MTPAP: variants seen among roughly 807,000 people sequenced by gnomAD.
MTPAP encodes the protein poly(A) RNA polymerase, mitochondrial.
MTPAP carries 23 observed loss-of-function variants against 48.7 expected under a neutral mutation model. The ratio of observed to expected loss-of-function variants is 0.47; its 90% confidence interval spans 0.34 to 0.67. MTPAP has a LOEUF of 0.67. Among genes scored for constraint, MTPAP ranks in the 30% least tolerant of loss-of-function variants. MTPAP has a pLI of 0.01. For missense variants in MTPAP, 614 were observed against 694.3 expected (o/e 0.88, Z 1.30); for synonymous variants, 257 against 254.1 (o/e 1.01, Z -0.11).
intron 6 of MTPAP, among the ~76,000 whole-genome samples, chr10:30,320,743 G>A (rs1301718419): frequency 2.0e-5 from 3 of 152,120 alleles, no homozygotes; most frequent in Admixed American, 6.5e-5. Context: ...CCTTAACATG[G>A]GCAGGGGTAC....
chr10:30,325,245 C>G (rs1834570471), intron 5 of MTPAP, among the ~76,000 whole-genome samples: 1 of 151,964 alleles, frequency 6.6e-6, no homozygotes, highest in Non-Finnish European at 1.5e-5. Flanking sequence ...GTCAAGAAAT[C>G]ACAGACTTTA....
At chr10:30,341,337 TAAAG>T (rs1400792278) in intron 2 of MTPAP, 127 bp downstream of exon 2, 26 of 1,158,224 alleles carry the variant, frequency 2.2e-5, no homozygotes, top group Non-Finnish European at 3.1e-5. Flanking sequence ...GAAATCTAGA[TAAAG>T]AAGATGCAGT....
intron 1 of MTPAP, among the ~76,000 whole-genome samples, chr10:30,342,462 C>T (rs1374449902): frequency 6.6e-6 from 1 of 151,606 alleles, no homozygotes; most frequent in Non-Finnish European, 1.5e-5. Flanking sequence ...TGACTACTCT[C>T]CCATGACTAC....
chr10:30,331,524 C>T (rs193121803), intron 4 of MTPAP, among the ~76,000 whole-genome samples: 8 of 152,336 alleles, frequency 5.3e-5, no homozygotes, highest in East Asian at 3.9e-4. Context: ...CCAACTTTTA[C>T]ACACACTAAA....
intron 1 of MTPAP, among the ~76,000 whole-genome samples, chr10:30,344,419 C>T (rs961225309): frequency 1.3e-5 from 2 of 152,332 alleles, no homozygotes; most frequent in Non-Finnish European, 2.9e-5. Flanking sequence ...CTTACTTTAA[C>T]AACTATGAAG....
intron 5 of MTPAP, among the ~76,000 whole-genome samples, chr10:30,323,592 C>T (rs1365983772): frequency 6.6e-6 from 1 of 152,182 alleles, no homozygotes; most frequent in Non-Finnish European, 1.5e-5. Flanking sequence ...TCACTGCAAG[C>T]TCCGACTCCT....
intron 3 of MTPAP, among the ~76,000 whole-genome samples, chr10:30,337,729 G>C (rs1013381715): frequency 3.3e-5 from 5 of 152,090 alleles, no homozygotes; most frequent in Non-Finnish European, 5.9e-5. Context: ...CTCCAGAAGA[G>C]GTTAAAACAA....
chr10:30,331,289 G>GA (rs1332445426), intron 4 of MTPAP, among the ~76,000 whole-genome samples: 2 of 152,218 alleles, frequency 1.3e-5, no homozygotes, highest in African/African-American at 4.8e-5. Context: ...ATCTAATAAA[G>GA]AAAAAACAGA....
Position 30,313,513 on chromosome 10 carries a change from A to G in MTPAP, c.*96T>C. On this transcript the variant is annotated 3_prime_UTR_variant, in exon 9 of 9. Transcript: ENST00000263063. ...ATCATGAAAAGTGACATCAGATGAA[A>G]GCTGAGATCTGTGAAAGTTTCAAAT... 2 of 1,510,026 alleles carry G rather than the reference A, an allele frequency of 1.3e-6. No homozygotes were observed. Among genetic ancestry groups the G allele is most frequent in the Non-Finnish European group, 1.8e-6 (2 of 1,093,336 alleles). 93.5% of individuals were successfully genotyped at this position (1,510,026 alleles called of 1,614,324 possible).
chr10:30,337,090 AT>A, intron 3 of MTPAP, 63 bp from the exon 4 acceptor site: 1 of 1,390,726 alleles, frequency 7.2e-7, no homozygotes, highest in Non-Finnish European at 1.0e-6. Context: ...AAAAGTTACC[AT>A]TTTACTTTCA....
intron 6 of MTPAP, among the ~76,000 whole-genome samples, chr10:30,320,848 T>A (rs995340840): frequency 6.6e-6 from 1 of 152,240 alleles, no homozygotes; most frequent in Admixed American, 6.5e-5. Context: ...CAGCTTCTAC[T>A]GTTTCTTAGT....
At chr10:30,340,918 C>A (rs1588721214) in intron 2 of MTPAP, among the ~76,000 whole-genome samples, 4 of 148,692 alleles carry the variant, frequency 2.7e-5, no homozygotes, top group South Asian at 2.2e-4. Flanking sequence ...GACTCCATGT[C>A]AAAAAAAAAG....
rs1159155461 is a variant in MTPAP at position 30,312,949 on chromosome 10, T to A, written c.*660A>T. ...CTAAGAATGCAGTGACTGAAATGTC[T>A]GTTCTAAAAACATAAACATTTTTTG... On this transcript the variant is annotated 3_prime_UTR_variant, in exon 9 of 9. Transcript: ENST00000263063. 1 of 152,334 alleles carries A rather than the reference T, an allele frequency of 6.6e-6. No individual in the cohort carries two copies. Among genetic ancestry groups the A allele is most frequent in the Non-Finnish European group, 1.5e-5 (1 of 68,100 alleles). 9.4% of individuals were successfully genotyped at this position (152,334 alleles called of 1,614,324 possible). A position where few individuals can be genotyped will look rare whatever the true frequency, so the allele number is the denominator to read the frequency against.
intron 5 of MTPAP, among the ~76,000 whole-genome samples, chr10:30,323,805 CA>C (rs1834543534): frequency 1.3e-5 from 2 of 152,224 alleles, no homozygotes; most frequent in Non-Finnish European, 2.9e-5. Context: ...CCACTGTGCC[CA>C]GCCTAGAACT....
intron 4 of MTPAP, among the ~76,000 whole-genome samples, chr10:30,332,547 G>A (rs1472094250): frequency 1.3e-5 from 2 of 152,166 alleles, no homozygotes; most frequent in Admixed American, 1.3e-4. Flanking sequence ...ACCCGACTTG[G>A]CCTCCCAAAG....
intron 4 of MTPAP, among the ~76,000 whole-genome samples, chr10:30,332,279 A>G (rs1270846162): frequency 2.0e-5 from 3 of 152,220 alleles, no homozygotes; most frequent in Non-Finnish European, 2.9e-5. Flanking sequence ...CTGACACAGG[A>G]AATGCCAAGT....
chr10:30,348,419 TA>T (rs1271308006), intron 1 of MTPAP, among the ~76,000 whole-genome samples: 1 of 152,216 alleles, frequency 6.6e-6, no homozygotes. Flanking sequence ...TCTACATCTG[TA>T]AAATGGACAC....
In MTPAP at chr10:30,322,527, A is replaced by G. The variant is rs1168122016; in HGVS notation, c.1083T>C (p.Ala361=). ...RALVFSVRCW[A]RAHSLTSSIP... is the part of the protein sequence containing the mutation. The stretch of plus-strand genomic sequence containing the variant: ...TACTACTTGTTAGTGAATGTGCTCG[A>G]GCCCAGCACCGTACACTGAACACCA... Residue 361 remains alanine (A), a synonymous_variant, in exon 6 of 9, where the codon GCT becomes GCC. Transcript: ENST00000263063. The G allele has an allele frequency of 6.2e-7, 1 of 1,614,014 alleles. No individual in the cohort carries two copies. The highest frequency in any genetic ancestry group is 8.5e-7 in the Non-Finnish European group (1 of 1,179,886).
At chr10:30,349,278 C>CAAAAA, upstream of MTPAP, 1 of 879,550 alleles carries the variant, frequency 1.1e-6, no homozygotes. Flanking sequence ...ACCGCCATTG[C>CAAAAA]TAAAAAAAAA....
Sources: gnomAD v4.1 joint callset for allele counts (sites outside exome capture counted in the v4.1 genomes callset) on GRCh38, gnomAD v4.1.1 for gene constraint, MANE v1.5 for transcripts, NCBI Gene and HGNC (gene_info 2026-07-23, HGNC 2026-07-21) for gene names.